CCDC186: variants seen among roughly 807,000 people sequenced by gnomAD.
CCDC186 encodes coiled-coil domain-containing protein 186.
Under a neutral mutation model 113.7 loss-of-function variants are expected in CCDC186, and 49 were observed. The observed-to-expected ratio is 0.43, with a 90% CI of 0.34 to 0.55. The LOEUF (loss-of-function observed/expected upper bound fraction) is 0.55, where lower values mean the gene tolerates loss of function less well. Ranked by LOEUF, CCDC186 falls within the 20% of genes least tolerant of loss-of-function variation. CCDC186 has a pLI of 0.02. For synonymous variants in CCDC186, 355 were observed against 345.8 expected, an observed-to-expected ratio of 1.03 and a Z score of -0.30; for missense variants, 890 against 1,011.1, an observed-to-expected ratio of 0.88 and a Z score of 1.62.
intron 6 of CCDC186, among the ~76,000 whole-genome samples, chr10:114,138,554 T>G (rs2031358105): frequency 6.6e-6 from 1 of 151,948 alleles, no homozygotes; most frequent in Non-Finnish European, 1.5e-5. Flanking sequence ...CAAACTGTCT[T>G]TTTATAGACT....
chr10:114,151,726 A>G (rs2031862938), intron 3 of CCDC186, among the ~76,000 whole-genome samples: 1 of 152,120 alleles, frequency 6.6e-6, no homozygotes, highest in Non-Finnish European at 1.5e-5. Flanking sequence ...CAGTTACCAG[A>G]CTGACTATGG....
intron 6 of CCDC186, among the ~76,000 whole-genome samples, chr10:114,139,484 C>T (rs568567892): frequency 2.0e-5 from 3 of 151,226 alleles, no homozygotes; most frequent in East Asian, 3.9e-4. Flanking sequence ...AATCGCTTGA[C>T]CCTGGGAGGC....
chr10:114,145,716 C>T lies in CCDC186; in HGVS notation c.934G>A (p.Val312Ile). The T allele has an allele frequency of 6.2e-7, 1 of 1,603,848 alleles. No individual in the cohort carries two copies. The highest frequency in any genetic ancestry group is 1.1e-5 in the South Asian group (1 of 87,488). ...EEARQEKEAM[V>I]MKYVRGEKES... ...TTCTCACCTCTTACATATTTCATTA[C>T]CATTGCTTCTTTTTCTTGGCGTGCC... Residue 312 changes from valine to isoleucine, a missense_variant, in exon 5 of 16, where the codon GTA becomes ATA. Val to Ile is a conservative substitution (Grantham distance 29). Coordinates refer to ENST00000369287, the MANE Select transcript of CCDC186 (RefSeq NM_018017.4).
chr10:114,146,161 C>T (rs544404787), intron 4 of CCDC186, among the ~76,000 whole-genome samples: 1 of 152,210 alleles, frequency 6.6e-6, no homozygotes, highest in Non-Finnish European at 1.5e-5. Context: ...TAGGCAGAAG[C>T]TTGGGAACGT....
chr10:114,129,220 G>A (rs192354262), intron 13 of CCDC186, among the ~76,000 whole-genome samples: 5 of 152,136 alleles, frequency 3.3e-5, no homozygotes, highest in Admixed American at 3.3e-4. Context: ...CCGGTTACTT[G>A]AGAGGCTGAG....
chr10:114,132,990 T>C (rs933561686), intron 10 of CCDC186, among the ~76,000 whole-genome samples: 24 of 152,174 alleles, frequency 1.6e-4, no homozygotes, highest in African/African-American at 5.8e-4. Context: ...AGGTCACTAA[T>C]CTTACAAGCC....
At position 114,158,027 on chromosome 10, in the gene CCDC186, G is replaced by A. The variant is rs111909358; in HGVS notation, c.633-347C>T. On this transcript the variant is annotated intron_variant, in intron 2 of 15. Coordinates refer to ENST00000369287, the MANE Select transcript of CCDC186 (RefSeq NM_018017.4). ...CTTCAAATAAGTGGTTCTCAGCCAC[G>A]GGCAATTTTGCCCTTCCAGGCATTT... is the stretch of plus-strand genomic sequence containing the variant. Among the ~76,000 whole-genome samples, 210 of 152,228 alleles carry A rather than the reference G, an allele frequency of 1.4e-3. 2 individuals carry two copies. The highest frequency in any genetic ancestry group is 4.5e-3 in the African/African-American group (189 of 41,548).
rs1589604628 is a variant in CCDC186, at chr10:114,123,712, T to C, written c.*1431A>G. ...TAATAAGGGGTGAGAAAAAATTCAA[T>C]GACAGAAATATTGATACTACGGCAA... On this transcript the variant is annotated 3_prime_UTR_variant, in exon 16 of 16. Transcript: ENST00000369287. The C allele has an allele frequency of 6.6e-6, 1 of 152,162 alleles. No individual in the cohort carries two copies. Among genetic ancestry groups the C allele is most frequent in the Non-Finnish European group, 1.5e-5 (1 of 68,020 alleles). The allele number at this position is 152,162 out of a possible 1,614,324, so 9.4% of individuals were successfully genotyped here.
chr10:114,162,880 G>C lies in CCDC186; in HGVS notation c.389C>G (p.Ser130Ter). The C allele has an allele frequency of 6.2e-7, 1 of 1,613,886 alleles. No homozygotes were observed. Among genetic ancestry groups the C allele is most frequent in the Non-Finnish European group, 8.5e-7 (1 of 1,179,892 alleles). ...VELRSSTFPESANEKTYSESP... is the reference protein window; with the variant it reads ...VELRSSTFPE ...TTCTGAATAAGTCTTTTCATTAGCT[G>C]ATTCTGGAAATGTAGATGACCTTAA... Residue 130 changes from serine (S) to a stop codon, truncating the protein, a stop_gained, in exon 2 of 16, where the codon TCA (serine) becomes TGA (stop). Transcript: ENST00000369287. LOFTEE classifies it high-confidence loss of function.
chr10:114,145,761 C>A lies in CCDC186; in HGVS notation c.889G>T (p.Ala297Ser). 1 of 1,569,692 alleles carries A rather than the reference C, an allele frequency of 6.4e-7. No individual in the cohort carries two copies. ...CGTGCCTCTTCACATTTCTTGTTGG[C>A]CTTCAAAAAAAATATTACTTAGCAT... ...HKEMAQRMEQ[A>S]NKKCEEARQE... is the part of the protein sequence containing the mutation. Residue 297 changes from alanine (A) to serine (S), a missense_variant and splice_region_variant, in exon 5 of 16, where the codon GCC becomes TCC. Coordinates refer to ENST00000369287, the MANE Select transcript of CCDC186 (RefSeq NM_018017.4).
intron 1 of CCDC186, among the ~76,000 whole-genome samples, chr10:114,170,788 T>C (rs1209393317): frequency 6.6e-6 from 1 of 152,022 alleles, no homozygotes; most frequent in Non-Finnish European, 1.5e-5. Context: ...AACTTTATGA[T>C]ATGTGCATTA....
At chr10:114,137,525 C>T (rs1269568969) in intron 6 of CCDC186, among the ~76,000 whole-genome samples, 3 of 152,304 alleles carry the variant, frequency 2.0e-5, no homozygotes, top group African/African-American at 7.2e-5. Flanking sequence ...AAGTTACTAA[C>T]CTGATAAGAT....
rs56143525 is a variant in CCDC186 at position 114,165,849 on chromosome 10, C to CAAAAA, written c.-61-2525_-61-2521dup. On this transcript the variant is annotated intron_variant, in intron 1 of 15. Transcript: ENST00000369287. ...GGCAACAGAGCGAGACACTTTGTCT[C>CAAAAA]AAAAAAAAAAAAAGTAAGGAGAGGG... 94 of 694,744 alleles carry CAAAAA rather than the reference C, an allele frequency of 1.4e-4. 2 individuals carry two copies. The highest frequency in any genetic ancestry group is 7.1e-4 in the Middle Eastern group (1 of 1,406). The allele number at this position is 694,744 out of a possible 1,614,324, so 43.0% of individuals were successfully genotyped here.
In CCDC186 at chr10:114,127,456, C is replaced by T. The variant is rs763501570; in HGVS notation, c.2393+5G>A. The T allele has an allele frequency of 1.2e-6, 2 of 1,612,068 alleles. No homozygotes were observed. The highest frequency in any genetic ancestry group is 1.7e-5 in the Admixed American group (1 of 59,896). ...GACCGATCATGCTACCGTAATAATACATACTTTGTTTTTTTCCTAATTTCT... is the reference window on the plus strand; with the variant it reads ...GACCGATCATGCTACCGTAATAATATATACTTTGTTTTTTTCCTAATTTCT... On this transcript the variant is annotated splice_donor_5th_base_variant and intron_variant, in intron 14 of 15. Transcript: ENST00000369287.
intron 4 of CCDC186, 127 bp from the exon 5 acceptor site, chr10:114,145,888 C>T: frequency 1.2e-6 from 1 of 820,816 alleles, no homozygotes; most frequent in Non-Finnish European, 1.8e-6. Context: ...ATTCCCAGGA[C>T]TTGTGCCATG....
At chr10:114,133,193 T>A (rs894374737) in intron 10 of CCDC186, among the ~76,000 whole-genome samples, 2 of 152,200 alleles carry the variant, frequency 1.3e-5, no homozygotes, top group African/African-American at 2.4e-5. Context: ...ACTATGGTAG[T>A]AGCAGCAGGG....
intron 12 of CCDC186, 137 bp from the exon 13 acceptor site, chr10:114,130,108 G>C: frequency 1.6e-6 from 1 of 621,260 alleles, no homozygotes; most frequent in Non-Finnish European, 2.8e-6. Flanking sequence ...TTTAGGCAGA[G>C]GGCTATGTCA....
chr10:114,139,677 TTAA>T (rs2031405148), intron 6 of CCDC186, among the ~76,000 whole-genome samples: 1 of 152,278 alleles, frequency 6.6e-6, no homozygotes, highest in East Asian at 1.9e-4. Context: ...TTGCTAGTTT[TTAA>T]TAATAATTTG....
rs971937295 is a variant in CCDC186, at chr10:114,135,993, A to G, written c.1426-16T>C. 1.2e-5 allele frequency: 19 copies of G among 1,597,478 alleles called. No individual in the cohort carries two copies. The highest frequency in any genetic ancestry group is 9.0e-5 in the East Asian group (4 of 44,650). ...CATGATGCATCTTTAAAAAAGTTTA[A>G]AAGAAACAACAAATCATAATGTGCT... On this transcript the variant is annotated splice_polypyrimidine_tract_variant and intron_variant, in intron 8 of 15. Coordinates refer to ENST00000369287, the MANE Select transcript of CCDC186 (RefSeq NM_018017.4).
Sources: allele counts gnomAD v4.1 joint callset (sites outside exome capture counted in the v4.1 genomes callset), GRCh38; gene constraint gnomAD v4.1.1; transcripts MANE v1.5; gene names NCBI Gene and HGNC (gene_info 2026-07-23, HGNC 2026-07-21).